The following ERICH1 variants were observed in gnomAD, a reference collection of about 807,000 sequenced individuals.
ERICH1 encodes glutamate-rich protein 1.
ERICH1 carries 56 observed loss-of-function variants against 39.6 expected under a neutral mutation model. That is an observed-to-expected ratio of 1.41 (90% CI 1.14 to 1.77). The LOEUF (loss-of-function observed/expected upper bound fraction) is 1.77. Among genes scored for constraint, ERICH1 ranks in the 40% most tolerant of loss-of-function variants. ERICH1 has a pLI of 0.00. For synonymous variants in ERICH1, 313 were observed against 223.6 expected, an observed-to-expected ratio of 1.40 and a Z score of -3.57; for missense variants, 826 against 575.4, an observed-to-expected ratio of 1.44 and a Z score of -4.45.
At chr8:699,165 T>C (rs1204848714) in intron 2 of ERICH1, among the ~76,000 whole-genome samples, 1 of 152,100 alleles carries the variant, frequency 6.6e-6, no homozygotes, top group East Asian at 1.9e-4. Flanking sequence ...CCCCGTGCAT[T>C]TGGCTCCATT....
chr8:690,436 G>T (rs993028016), intron 3 of ERICH1, among the ~76,000 whole-genome samples: 10 of 152,256 alleles, frequency 6.6e-5, no homozygotes, highest in African/African-American at 2.2e-4. Flanking sequence ...TCACAAGGCA[G>T]TAGCCAGGTA....
chr8:652,539 C>T (rs958486191), intron 3 of ERICH1, among the ~76,000 whole-genome samples: 2 of 152,188 alleles, frequency 1.3e-5, no homozygotes, highest in Non-Finnish European at 1.5e-5. Context: ...AATTATTAAT[C>T]CCACCTCATT....
intron 5 of ERICH1, 88 bp downstream of exon 5, chr8:668,510 G>A: frequency 7.2e-7 from 1 of 1,384,016 alleles, no homozygotes; most frequent in Non-Finnish European, 1.0e-6. Flanking sequence ...CCAACTCATT[G>A]CTGTTTTGGT....
At chr8:726,412 G>A (rs1240397791) in intron 1 of ERICH1, among the ~76,000 whole-genome samples, 1 of 151,504 alleles carries the variant, frequency 6.6e-6, no homozygotes, top group Non-Finnish European at 1.5e-5. Flanking sequence ...AGACACACAT[G>A]TACACCCATG....
intron 2 of ERICH1, among the ~76,000 whole-genome samples, chr8:710,064 G>A (rs564758868): frequency 2.4e-4 from 37 of 152,310 alleles, no homozygotes; most frequent in African/African-American, 8.4e-4. Flanking sequence ...CAGTGCACAT[G>A]CTCCCCATTA....
chr8:727,673 G>C (rs914234355), intron 1 of ERICH1, among the ~76,000 whole-genome samples: 2 of 152,206 alleles, frequency 1.3e-5, no homozygotes, highest in Admixed American at 6.5e-5. Context: ...ACCAGGCTGG[G>C]TGCCTACCAG....
intron 1 of ERICH1, among the ~76,000 whole-genome samples, chr8:729,146 G>A (rs1040834322): frequency 1.3e-5 from 2 of 152,184 alleles, no homozygotes; most frequent in African/African-American, 2.4e-5. Context: ...CCGCAGCCAG[G>A]GCCTGAGGGG....
intron 2 of ERICH1, among the ~76,000 whole-genome samples, chr8:693,061 GCA>G (rs985110089): frequency 9.9e-5 from 15 of 151,886 alleles, no homozygotes; most frequent in African/African-American, 2.9e-4. Context: ...GTGGCTGTGT[GCA>G]CACACAGCCA....
chr8:722,990 G>A (rs1319331271), intron 1 of ERICH1, among the ~76,000 whole-genome samples: 1 of 152,218 alleles, frequency 6.6e-6, no homozygotes, highest in African/African-American at 2.4e-5. Flanking sequence ...AAATCCCATG[G>A]TGACATGTGA....
At chr8:722,063 C>T (rs1331433100) in intron 1 of ERICH1, among the ~76,000 whole-genome samples, 3 of 152,104 alleles carry the variant, frequency 2.0e-5, no homozygotes, top group South Asian at 2.1e-4. Flanking sequence ...ACGACGACTC[C>T]GTGTCTGTCA....
intron 3 of ERICH1, among the ~76,000 whole-genome samples, chr8:674,362 G>T (rs1804182486): frequency 6.7e-6 from 1 of 149,794 alleles, no homozygotes; most frequent in Non-Finnish European, 1.5e-5. Flanking sequence ...GAGTGCAGTG[G>T]AACAATCTCG....
chr8:681,924 G>A (rs78042896), intron 3 of ERICH1, among the ~76,000 whole-genome samples: 1,790 of 152,202 alleles, frequency 0.012, 34 homozygotes, highest in African/African-American at 0.04. Context: ...ACCCCACCAC[G>A]CCTCGGTGAC....
rs138129149 is a variant in ERICH1 at position 720,639 on chromosome 8, C to A, written c.23-4632G>T. ...TAAAGGTCTGTACAGTTTACAGCCA[C>A]GGGAAAGACAATGTCCCTTTTCAAA... On this transcript the variant is annotated intron_variant, in intron 1 of 5. Coordinates refer to ENST00000262109, the MANE Select transcript of ERICH1 (RefSeq NM_207332.3). Among the ~76,000 whole-genome samples the A allele has an allele frequency of 5.6e-4, 85 of 152,280 alleles. 1 individual carries two copies. Among genetic ancestry groups the A allele is most frequent in the Middle Eastern group, 3.4e-3 (1 of 294 alleles).
chr8:729,142 C>G (rs1211144118), intron 1 of ERICH1, among the ~76,000 whole-genome samples: 3 of 152,226 alleles, frequency 2.0e-5, no homozygotes, highest in African/African-American at 7.2e-5. Flanking sequence ...GCTGCCGCAG[C>G]CAGGGCCTGA....
intron 3 of ERICH1, among the ~76,000 whole-genome samples, chr8:652,833 C>A (rs770992126): frequency 6.6e-6 from 1 of 152,176 alleles, no homozygotes; most frequent in Non-Finnish European, 1.5e-5. Context: ...CAAAGGTCAA[C>A]ACGCACGCAA....
At chr8:705,817 C>T (rs1422690754) in intron 2 of ERICH1, among the ~76,000 whole-genome samples, 1 of 152,192 alleles carries the variant, frequency 6.6e-6, no homozygotes, top group Non-Finnish European at 1.5e-5. Context: ...CAGTGATGTA[C>T]CACAAAAGAC....
intron 2 of ERICH1, among the ~76,000 whole-genome samples, chr8:693,378 C>A (rs528077063): frequency 6.6e-6 from 1 of 152,338 alleles, no homozygotes; most frequent in East Asian, 1.9e-4. Flanking sequence ...GTTAAAATGA[C>A]ATATTGTAAC....
At chr8:657,789 C>T (rs995734755) in intron 3 of ERICH1, among the ~76,000 whole-genome samples, 1 of 151,808 alleles carries the variant, frequency 6.6e-6, no homozygotes, top group Non-Finnish European at 1.5e-5. Context: ...GAATTCCTTG[C>T]GATAATGAGA....
At chr8:624,682 A>G (rs1357399477) in intron 3 of ERICH1, among the ~76,000 whole-genome samples, 1 of 151,784 alleles carries the variant, frequency 6.6e-6, no homozygotes, top group Non-Finnish European at 1.5e-5. Context: ...AAGAGAGTAA[A>G]GGGGGAGGCG....
Sources: allele counts gnomAD v4.1 joint callset (sites outside exome capture counted in the v4.1 genomes callset), GRCh38; gene constraint gnomAD v4.1.1; transcripts MANE v1.5; gene names NCBI Gene and HGNC (gene_info 2026-07-23, HGNC 2026-07-21).